Variants in PIP4K2A observed in about 807,000 individuals in gnomAD.
The protein encoded by PIP4K2A is phosphatidylinositol-5-phosphate 4-kinase type 2 alpha.
A neutral mutation model predicts 42.9 loss-of-function variants in PIP4K2A; 14 were observed. The ratio of observed to expected loss-of-function variants is 0.33; its 90% CI spans 0.22 to 0.51. The LOEUF (loss-of-function observed/expected upper bound fraction) is 0.51, where lower values mean the gene tolerates loss of function less well. Ranked by LOEUF, PIP4K2A falls within the 20% of genes least tolerant of loss-of-function variation. The pLI is 0.97. For synonymous variants in PIP4K2A, 192 were observed against 192.2 expected (o/e 1.00, Z 0.01); for missense variants, 434 against 519.8 (o/e 0.83, Z 1.61).
At chr10:22,561,222 G>A (rs1178384078) in intron 6 of PIP4K2A, among the ~76,000 whole-genome samples, 5 of 152,188 alleles carry the variant, frequency 3.3e-5, no homozygotes, top group Admixed American at 2.0e-4. Context: ...TTAAAGCACT[G>A]TTCTGCTCTT....
chr10:22,572,356 C>T (rs1011942855), intron 5 of PIP4K2A, among the ~76,000 whole-genome samples: 6 of 152,148 alleles, frequency 3.9e-5, no homozygotes, highest in African/African-American at 1.4e-4. Context: ...TGGTTCATGC[C>T]TATAATCCCA....
intron 4 of PIP4K2A, among the ~76,000 whole-genome samples, chr10:22,581,027 C>T (rs1454113317): frequency 1.3e-5 from 2 of 152,212 alleles, no homozygotes; most frequent in African/African-American, 4.8e-5. Context: ...GCTGGCCGTC[C>T]CGTGTGTGGC....
chr10:22,573,186 G>T, intron 5 of PIP4K2A, 125 bp downstream of exon 5: 1 of 814,106 alleles, frequency 1.2e-6, no homozygotes, highest in East Asian at 2.5e-5. Flanking sequence ...GGAATACACT[G>T]CTACTTGTCT....
At chr10:22,712,503 G>T (rs930936737) in intron 1 of PIP4K2A, among the ~76,000 whole-genome samples, 2 of 151,952 alleles carry the variant, frequency 1.3e-5, no homozygotes, top group Non-Finnish European at 2.9e-5. Flanking sequence ...TTTTTAAATT[G>T]TAAGTTTCTA....
intron 1 of PIP4K2A, among the ~76,000 whole-genome samples, chr10:22,639,266 T>A (rs745995699): frequency 2.0e-5 from 3 of 151,774 alleles, no homozygotes; most frequent in Non-Finnish European, 4.4e-5. Context: ...ATGTTTATCA[T>A]GCACGTAACA....
rs1390963717 is a variant in PIP4K2A at position 22,539,886 on chromosome 10, G to GGGGAGAGAGA, written c.1140+84_1140+85insTCTCTCTCCC. 1.4e-5 allele frequency: 10 copies of GGGGAGAGAGA among 699,608 alleles called. No individual in the cohort carries two copies. The African/African-American group carries it at 2.2e-4, about 15-fold the overall frequency. 43.3% of individuals were successfully genotyped at this position (699,608 alleles called of 1,614,324 possible). On this transcript the variant is annotated intron_variant, in intron 9 of 9. Transcript: ENST00000376573. ...AGTTACAGGTCACACAGAGGAGCCA[G>GGGGAGAGAGA]GAGAGAGAGAGAGAGAGAGAGAGAG...
chr10:22,608,046 T>C (rs746046902), intron 2 of PIP4K2A, 23 bp from the exon 3 acceptor site: 2 of 1,493,224 alleles, frequency 1.3e-6, no homozygotes, highest in South Asian at 2.3e-5. Flanking sequence ...CAGCGTGGAA[T>C]AAAGCTCAGA....
rs1018706870 is a variant in PIP4K2A, at chr10:22,543,292, C to T, written c.793-1245G>A. 2.0e-5 allele frequency among the ~76,000 whole-genome samples: 3 copies of T among 152,302 alleles called. No individual in the cohort carries two copies. The South Asian group carries it at 6.2e-4, about 32-fold the overall frequency. On this transcript the variant is annotated intron_variant, in intron 7 of 9. Transcript: ENST00000376573. ...CAATTCTCCATCAGCCAGCACCCCG[C>T]TCAGCCCAGCAAACTGGCCAGAGCT...
chr10:22,654,882 A>C (rs949629799), intron 1 of PIP4K2A, among the ~76,000 whole-genome samples: 1 of 152,202 alleles, frequency 6.6e-6, no homozygotes, highest in African/African-American at 2.4e-5. Context: ...AAATCAAAGA[A>C]GGCTACGGCA....
At position 22,596,205 on chromosome 10, in the gene PIP4K2A, C is replaced by CAAAAAAAAAAAAAAAAA. The variant is rs10681238; in HGVS notation, c.340-4441_340-4425dup. On this transcript the variant is annotated intron_variant, in intron 3 of 9. Transcript: ENST00000376573. Reference sequence around the variant, plus strand: ...GGGCAACAAGAGCAAAACTCCGTCTCAAAAAAAAAAAAAAAAAAAAGGATT... The same window carrying CAAAAAAAAAAAAAAAAA: ...GGGCAACAAGAGCAAAACTCCGTCTCAAAAAAAAAAAAAAAAAAAAAAAAAAAAAAAAAAAAAGGATT... Among the ~76,000 whole-genome samples the CAAAAAAAAAAAAAAAAA allele has an allele frequency of 2.6e-3, 178 of 69,642 alleles. 11 individuals are homozygous for CAAAAAAAAAAAAAAAAA. The highest frequency in any genetic ancestry group is 0.011 in the African/African-American group (170 of 15,780). The allele number at this position is 69,642 out of a possible 152,430, so 45.7% of individuals were successfully genotyped here.
intron 1 of PIP4K2A, among the ~76,000 whole-genome samples, chr10:22,624,847 A>G (rs1838403388): frequency 6.6e-6 from 1 of 152,224 alleles, no homozygotes; most frequent in Non-Finnish European, 1.5e-5. Context: ...CTTTTTGCCA[A>G]AAACAATGAA....
chr10:22,623,917 T>C (rs910841638), intron 1 of PIP4K2A, among the ~76,000 whole-genome samples: 1 of 152,156 alleles, frequency 6.6e-6, no homozygotes, highest in Non-Finnish European at 1.5e-5. Flanking sequence ...TCATCAGATA[T>C]GAAAAGAATA....
intron 6 of PIP4K2A, among the ~76,000 whole-genome samples, chr10:22,557,880 G>C (rs558501301): frequency 6.6e-6 from 1 of 152,266 alleles, no homozygotes; most frequent in South Asian, 2.1e-4. Context: ...TTTTAGTCTG[G>C]ATGGAAACTT....
At chr10:22,650,366 C>A (rs1324741776) in intron 1 of PIP4K2A, among the ~76,000 whole-genome samples, 1 of 152,184 alleles carries the variant, frequency 6.6e-6, no homozygotes, top group African/African-American at 2.4e-5. Flanking sequence ...AGGGATCCTC[C>A]AGCCTCAGCC....
intron 6 of PIP4K2A, among the ~76,000 whole-genome samples, chr10:22,559,664 C>T (rs1307908341): frequency 1.3e-5 from 2 of 152,076 alleles, no homozygotes; most frequent in African/African-American, 4.8e-5. Context: ...TTTTCCCCAT[C>T]AATCATAGCA....
intron 4 of PIP4K2A, among the ~76,000 whole-genome samples, chr10:22,584,168 G>A (rs1222835516): frequency 6.6e-6 from 1 of 152,218 alleles, no homozygotes; most frequent in South Asian, 2.1e-4. Context: ...ACTCTCAGGA[G>A]TAAGTTTTGA....
Position 22,591,767 on chromosome 10 carries a change from C to T in PIP4K2A, c.354G>A (p.Arg118=). 1 of 1,610,822 alleles carries T rather than the reference C, an allele frequency of 6.2e-7. No homozygotes were observed. The highest frequency in any genetic ancestry group is 1.1e-5 in the South Asian group (1 of 90,498). ...DDQDFQNSLT[R]SAPLPNDSQA... is the part of the protein sequence containing the mutation. ...GGGAGTCGTTGGGGAGGGGTGCGCT[C>T]CTGGTCAGGGAATTCTTCCCGGGTG... The change falls in exon 4 of 10, where the codon AGG becomes AGA. Residue 118 remains arginine (R), a synonymous_variant. Transcript: ENST00000376573.
rs1838884561 is a variant in PIP4K2A at position 22,646,494 on chromosome 10, A to G, written c.145-36777T>C. Reference sequence around the variant, plus strand: ...AGGTGGTAGTGGTGGTTTTCAGTTCACACATTTTTCTTACAAACAGCCTTG... The same window carrying G: ...AGGTGGTAGTGGTGGTTTTCAGTTCGCACATTTTTCTTACAAACAGCCTTG... On this transcript the variant is annotated intron_variant, in intron 1 of 9. Coordinates refer to ENST00000376573, the MANE Select transcript of PIP4K2A (RefSeq NM_005028.5). Among the ~76,000 whole-genome samples the G allele has an allele frequency of 2.0e-5, 3 of 152,302 alleles. 1 individual carries two copies. The South Asian group carries it at 6.2e-4, about 32-fold the overall frequency.
chr10:22,580,072 A>G (rs567128161), intron 4 of PIP4K2A, among the ~76,000 whole-genome samples: 38 of 151,916 alleles, frequency 2.5e-4, no homozygotes, highest in Non-Finnish European at 4.4e-4. Flanking sequence ...GGCGTGAGGG[A>G]GGGAGACTTC....
Sources: gnomAD v4.1 joint callset for allele counts (sites outside exome capture counted in the v4.1 genomes callset) on GRCh38, gnomAD v4.1.1 for gene constraint, MANE v1.5 for transcripts, NCBI Gene and HGNC (gene_info 2026-07-23, HGNC 2026-07-21) for gene names.